BACE2: variants seen among roughly 807,000 people sequenced by gnomAD.
BACE2 encodes 56 kDa aspartic-like protease.
A neutral mutation model predicts 46.2 loss-of-function variants in BACE2; 17 were observed. That is an observed-to-expected ratio of 0.37 (90% CI 0.25 to 0.55). The LOEUF (loss-of-function observed/expected upper bound fraction) is 0.55, where lower values mean the gene tolerates loss of function less well. Ranked by LOEUF, BACE2 falls within the 20% of genes least tolerant of loss-of-function variation. The probability of loss-of-function intolerance (pLI) is 0.82; values close to 1 mark genes in which losing one functional copy is unlikely to be tolerated. For synonymous variants in BACE2, 277 were observed against 295.9 expected (o/e 0.94, Z 0.66); for missense variants, 595 against 698.1 (o/e 0.85, Z 1.66).
At chr21:41,187,887 ATGTAATCCATCAGGAAG>A in intron 1 of BACE2, among the ~76,000 whole-genome samples, 1 of 152,356 alleles carries the variant, frequency 6.6e-6, no homozygotes, top group Middle Eastern at 3.4e-3. Flanking sequence ...TACCACTTCC[ATGTAATCCATCAGGAAG>A]TTTACCAAAG....
chr21:41,262,717 A>T (rs1987971599), intron 8 of BACE2, among the ~76,000 whole-genome samples: 1 of 152,144 alleles, frequency 6.6e-6, no homozygotes, highest in African/African-American at 2.4e-5. Flanking sequence ...TTTTGTCCAA[A>T]AAGATTCACA....
intron 2 of BACE2, chr21:41,230,279 A>G (rs1986935270): frequency 6.6e-6 from 1 of 152,242 alleles, no homozygotes; most frequent in Admixed American, 6.5e-5. Context: ...TGCAGATTAA[A>G]TTCTTAGATT....
At chr21:41,243,606 T>C in intron 5 of BACE2, 96 bp downstream of exon 5, 1 of 1,287,914 alleles carries the variant, frequency 7.8e-7, no homozygotes, top group Non-Finnish European at 1.0e-6. Flanking sequence ...GAAGGTACAT[T>C]ACCTCGTAAG....
At chr21:41,239,732 T>C (rs538415248) in intron 3 of BACE2, among the ~76,000 whole-genome samples, 12 of 152,338 alleles carry the variant, frequency 7.9e-5, no homozygotes, top group African/African-American at 2.6e-4. Context: ...TGTTGCCCCT[T>C]TGAAATCAGG....
chr21:41,261,018 G>C (rs546146179), intron 8 of BACE2, among the ~76,000 whole-genome samples: 17 of 151,916 alleles, frequency 1.1e-4, no homozygotes, highest in African/African-American at 3.6e-4. Context: ...TATTTGTTTT[G>C]ACTGCATACT....
chr21:41,211,755 A>G (rs1389401477), intron 1 of BACE2, among the ~76,000 whole-genome samples: 1 of 152,260 alleles, frequency 6.6e-6, no homozygotes, highest in African/African-American at 2.4e-5. Flanking sequence ...ACCTGCTGAA[A>G]TAGAGAGAGT....
At chr21:41,210,349 C>A (rs1446138692) in intron 1 of BACE2, among the ~76,000 whole-genome samples, 2 of 152,166 alleles carry the variant, frequency 1.3e-5, no homozygotes, top group South Asian at 2.1e-4. Context: ...GGTTTAGGCA[C>A]AACGGCTGAC....
chr21:41,211,704 G>A (rs1237818529), intron 1 of BACE2, among the ~76,000 whole-genome samples: 2 of 152,242 alleles, frequency 1.3e-5, no homozygotes, highest in African/African-American at 4.8e-5. Flanking sequence ...TGTGTTAAAT[G>A]AGCCATTATT....
At chr21:41,179,777 CAG>C in intron 1 of BACE2, 2 of 643,400 alleles carry the variant, frequency 3.1e-6, no homozygotes, top group Non-Finnish European at 4.9e-6. Flanking sequence ...GAGAAGACCA[CAG>C]AGACTATTGT....
At chr21:41,247,343 G>T (rs1204798330) in intron 6 of BACE2, among the ~76,000 whole-genome samples, 1 of 152,216 alleles carries the variant, frequency 6.6e-6, no homozygotes, top group Non-Finnish European at 1.5e-5. Flanking sequence ...CCAGCCACTG[G>T]CGCAGCTGCA....
At chr21:41,218,993 G>A (rs1986559833) in intron 1 of BACE2, among the ~76,000 whole-genome samples, 1 of 152,000 alleles carries the variant, frequency 6.6e-6, no homozygotes, top group South Asian at 2.1e-4. Flanking sequence ...CTCCCGAGTA[G>A]CTGGGACTAC....
At position 41,272,373 on chromosome 21, in the gene BACE2, G is replaced by T. The variant is rs150794935; in HGVS notation, c.1304-2998G>T. On this transcript the variant is annotated intron_variant, in intron 8 of 8. Coordinates refer to ENST00000330333, the MANE Select transcript of BACE2 (RefSeq NM_012105.5). ...TTTCATAAAATTTGGAAAATTTTTGGTTTTTTCAAATATTTTTTGCCTCAC... is the reference window on the plus strand; with the variant it reads ...TTTCATAAAATTTGGAAAATTTTTGTTTTTTTCAAATATTTTTTGCCTCAC... 2.6e-5 allele frequency among the ~76,000 whole-genome samples: 4 copies of T among 151,800 alleles called. No individual in the cohort carries two copies. In the East Asian group the frequency reaches 7.7e-4, roughly 29 times the overall value.
At chr21:41,273,799 A>G (rs893678481) in intron 8 of BACE2, among the ~76,000 whole-genome samples, 2 of 152,270 alleles carry the variant, frequency 1.3e-5, no homozygotes, top group African/African-American at 4.8e-5. Context: ...TTCACAATTT[A>G]TGTTCAGAGA....
chr21:41,201,857 C>T (rs926372651), intron 1 of BACE2, among the ~76,000 whole-genome samples: 6 of 152,158 alleles, frequency 3.9e-5, no homozygotes, highest in African/African-American at 1.4e-4. Context: ...AAGCAGTAAT[C>T]AATATTTCCC....
At chr21:41,219,839 G>A (rs1323203027) in intron 1 of BACE2, among the ~76,000 whole-genome samples, 5 of 152,284 alleles carry the variant, frequency 3.3e-5, no homozygotes, top group African/African-American at 4.8e-5. Context: ...CCAAATGTGC[G>A]GGGATTTCTC....
intron 6 of BACE2, 118 bp downstream of exon 6, chr21:41,246,181 A>G (rs981605072): frequency 1.7e-6 from 1 of 584,846 alleles, no homozygotes; most frequent in African/African-American, 1.9e-5. Context: ...TCCAATTTTC[A>G]TATTGTGTAT....
intron 8 of BACE2, among the ~76,000 whole-genome samples, chr21:41,271,654 C>T (rs1019360703): frequency 2.6e-5 from 4 of 151,946 alleles, no homozygotes; most frequent in South Asian, 2.1e-4. Flanking sequence ...AACTCTATAT[C>T]GTGAAATTTT....
At chr21:41,179,371 G>A (rs1601242366) in intron 1 of BACE2, 1 of 1,328,198 alleles carries the variant, frequency 7.5e-7, no homozygotes, top group African/African-American at 1.5e-5. Context: ...TGTCCAGGGT[G>A]AGGAGTGAGG....
At chr21:41,261,918 A>G (rs1174749778) in intron 8 of BACE2, among the ~76,000 whole-genome samples, 2 of 152,172 alleles carry the variant, frequency 1.3e-5, no homozygotes, top group East Asian at 3.8e-4. Context: ...CAGTATGTGT[A>G]TATAGGTGAG....
Sources: gnomAD v4.1 joint callset for allele counts (sites outside exome capture counted in the v4.1 genomes callset) on GRCh38, gnomAD v4.1.1 for gene constraint, MANE v1.5 for transcripts, NCBI Gene and HGNC (gene_info 2026-07-23, HGNC 2026-07-21) for gene names.